Variants in PIGR observed in about 807,000 individuals in gnomAD.
PIGR encodes the protein polymeric immunoglobulin receptor, also known as hepatocellular carcinoma associated protein TB6.
In PIGR, 22 loss-of-function variants were observed where a neutral mutation model predicts 69.5. The ratio of observed to expected loss-of-function variants is 0.32; its 90% CI spans 0.23 to 0.45. The LOEUF is 0.45. Ranked by LOEUF, PIGR falls within the 20% of genes least tolerant of loss-of-function variation. The pLI is 1.00. For synonymous variants in PIGR, 413 were observed against 407.6 expected, an observed-to-expected ratio of 1.01 and a Z score of -0.16; for missense variants, 885 against 974.0, an observed-to-expected ratio of 0.91 and a Z score of 1.22.
At chr1:206,940,278 T>A (rs1347566711) in intron 2 of PIGR, among the ~76,000 whole-genome samples, 1 of 152,224 alleles carries the variant, frequency 6.6e-6, no homozygotes, top group Non-Finnish European at 1.5e-5. Context: ...GGCCTTGAGA[T>A]TAGGAAGTGC....
At chr1:206,945,002 A>C (rs1680075932) in intron 1 of PIGR, among the ~76,000 whole-genome samples, 1 of 152,184 alleles carries the variant, frequency 6.6e-6, no homozygotes, top group Non-Finnish European at 1.5e-5. Flanking sequence ...TGGGTTTACT[A>C]AATGGAAGCC....
At position 206,930,183 on chromosome 1, in the gene PIGR, C is replaced by T. The variant is rs1025270047; in HGVS notation, c.*135G>A. 21 of 617,948 alleles carry T rather than the reference C, an allele frequency of 3.4e-5. No homozygotes were observed. The highest frequency in any genetic ancestry group is 7.5e-5 in the African/African-American group (4 of 53,392). The allele number at this position is 617,948 out of a possible 1,614,324, so 38.3% of individuals were successfully genotyped here. ...GATGTCACTGAGGAGGGGACCAGCA[C>T]GCCTCTGAGGACAGTAGGAAAAACC... On this transcript the variant is annotated 3_prime_UTR_variant, in exon 11 of 11. Transcript: ENST00000356495. The surrounding 1 kb of genome is among the most constrained non-coding windows in gnomAD (Gnocchi z 4.3).
In PIGR at chr1:206,939,511, G is replaced by A. The variant is rs774278221; in HGVS notation, c.44-48C>T. On this transcript the variant is annotated intron_variant, in intron 2 of 10. Coordinates refer to ENST00000356495, the MANE Select transcript of PIGR (RefSeq NM_002644.4). ...CTTTCTGAGGCCCTTGGGAGGTAAA[G>A]CCTGTTCCAGATAACCCACTATGAG... is the stretch of plus-strand genomic sequence containing the variant. 28 of 1,377,976 alleles carry A rather than the reference G, an allele frequency of 2.0e-5. No individual in the cohort carries two copies. In the East Asian group the frequency reaches 6.2e-4, roughly 31 times the overall value. 85.4% of individuals were successfully genotyped at this position (1,377,976 alleles called of 1,614,324 possible).
chr1:206,941,077 G>C (rs574262458), intron 1 of PIGR, among the ~76,000 whole-genome samples: 1 of 152,362 alleles, frequency 6.6e-6, no homozygotes, highest in African/African-American at 2.4e-5. Context: ...TAAATGTAAT[G>C]ATGATGGTCC....
At position 206,939,243 on chromosome 1, in the gene PIGR, C is replaced by T. The variant is rs750352182; in HGVS notation, c.264G>A (p.Pro88=). The T allele has an allele frequency of 1.9e-5, 30 of 1,614,056 alleles. No homozygotes were observed. Among genetic ancestry groups the T allele is most frequent in the African/African-American group, 4.0e-5 (3 of 74,920 alleles). Reference sequence around the variant, plus strand: ...TGTTCACCACAAATGTGCCGTTCTCCGGGAAGTTGGTGAGGTTAGCCCTGC... The same window carrying T: ...TGTTCACCACAAATGTGCCGTTCTCTGGGAAGTTGGTGAGGTTAGCCCTGC... The part of the protein sequence containing the change: ...YAGRANLTNF[P]ENGTFVVNIA... Residue 88 remains proline (P), a synonymous_variant, in exon 3 of 11, where the codon CCG becomes CCA. Transcript: ENST00000356495.
At chr1:206,939,526 C>T in intron 2 of PIGR, 63 bp from the exon 3 acceptor site, 1 of 1,193,074 alleles carries the variant, frequency 8.4e-7, no homozygotes, top group South Asian at 1.4e-5. Flanking sequence ...TTCCAGATAA[C>T]CCACTATGAG....
At chr1:206,945,262 A>G (rs1435129652) in intron 1 of PIGR, among the ~76,000 whole-genome samples, 1 of 152,232 alleles carries the variant, frequency 6.6e-6, no homozygotes, top group African/African-American at 2.4e-5. Context: ...TAAAGGATCT[A>G]TAATTCCCCT....
At position 206,930,331 on chromosome 1, in the gene PIGR, G is replaced by A; in HGVS notation, c.2282C>T (p.Pro761Leu). ...STVAAEAQDG[P>L]QEA is the part of the protein sequence containing the mutation. ...CGGCGACACCGTCTAGGCTTCCTGGGGGCCGTCCTGGGCCTCGGCGGCCAC... is the reference window on the plus strand; with the variant it reads ...CGGCGACACCGTCTAGGCTTCCTGGAGGCCGTCCTGGGCCTCGGCGGCCAC... Residue 761 changes from proline to leucine, a missense_variant, in exon 11 of 11, where the codon CCC (proline) becomes CTC (leucine). Physicochemically the swap from Pro to Leu is moderately conservative, Grantham distance 98 (BLOSUM62 -3). Coordinates refer to ENST00000356495, the MANE Select transcript of PIGR (RefSeq NM_002644.4). The surrounding 1 kb of genome is among the most constrained non-coding windows in gnomAD (Gnocchi z 4.3). 6.2e-7 allele frequency: 1 copy of A among 1,611,434 alleles called. No homozygotes were observed. The highest frequency in any genetic ancestry group is 8.5e-7 in the Non-Finnish European group (1 of 1,178,688).
intron 1 of PIGR, among the ~76,000 whole-genome samples, chr1:206,942,593 G>A (rs1046973937): frequency 6.6e-6 from 1 of 152,226 alleles, no homozygotes; most frequent in East Asian, 1.9e-4. Flanking sequence ...ATATTTGCGT[G>A]AGACAGGAGT....
At position 206,938,720 on chromosome 1, in the gene PIGR, CA is replaced by C. The variant is rs1233139011; in HGVS notation, c.388+398del. ...TTTTACAAGAAGCCTTTTGGCGGCC[CA>C]AACCTTGATGGAAAGGTGCATTAAT... On this transcript the variant is annotated intron_variant, in intron 3 of 10. Coordinates refer to ENST00000356495, the MANE Select transcript of PIGR (RefSeq NM_002644.4). 2.6e-5 allele frequency among the ~76,000 whole-genome samples: 4 copies of C among 152,184 alleles called. No individual in the cohort carries two copies. The East Asian group carries it at 5.8e-4, about 22-fold the overall frequency.
At position 206,937,722 on chromosome 1, in the gene PIGR, A is replaced by G. The variant is rs1308627922; in HGVS notation, c.418T>C (p.Tyr140His). Residue 140 changes from tyrosine to histidine, a missense_variant, in exon 4 of 11, where the codon TAC becomes CAC. By Grantham distance (83) the Tyr-to-His change is moderately conservative. Coordinates refer to ENST00000356495, the MANE Select transcript of PIGR (RefSeq NM_002644.4). The stretch of plus-strand genomic sequence containing the variant: ...ACCGTTCTGCCCAGGTCCACTGTGT[A>G]GACTTTAGTGTCATTTAGGAGCCCA... Reference protein sequence around the residue: ...GPGLLNDTKVYTVDLGRTVTI... With the variant: ...GPGLLNDTKVHTVDLGRTVTI... The G allele has an allele frequency of 6.2e-7, 1 of 1,614,104 alleles. No individual in the cohort carries two copies. The highest frequency in any genetic ancestry group is 2.2e-5 in the East Asian group (1 of 44,886).
At position 206,935,949 on chromosome 1, in the gene PIGR, T is replaced by G; in HGVS notation, c.1046-131A>C. Reference sequence around the variant, plus strand: ...GTTTACACGCATCACCTTACCCTCTTCAGAAAATGAAAAGGAGCTTTCCTA... The same window carrying G: ...GTTTACACGCATCACCTTACCCTCTGCAGAAAATGAAAAGGAGCTTTCCTA... On this transcript the variant is annotated intron_variant, in intron 4 of 10. Transcript: ENST00000356495. The surrounding 1 kb of genome is among the most constrained non-coding windows in gnomAD (Gnocchi z 4.4). The G allele has an allele frequency of 1.5e-6, 1 of 646,068 alleles. No homozygotes were observed. Among genetic ancestry groups the G allele is most frequent in the Non-Finnish European group, 2.7e-6 (1 of 374,702 alleles). The allele number at this position is 646,068 out of a possible 1,614,324, so 40.0% of individuals were successfully genotyped here.
rs769898694 is a variant in PIGR at position 206,935,781 on chromosome 1, C to T, written c.1083G>A (p.Gly361=). The T allele has an allele frequency of 6.2e-7, 1 of 1,611,418 alleles. No individual in the cohort carries two copies. The highest frequency in any genetic ancestry group is 1.7e-5 in the Admixed American group (1 of 59,924). ...TIPRSPTVVK[G]VAGGSVAVLC... ...GCACGGCCACAGAGCCTCCTGCCAC[C>T]CCCTTCACCACAGTGGGGCTGCGGG... The change falls in exon 5 of 11, where the codon GGG becomes GGA. Residue 361 remains glycine, a synonymous_variant. Transcript: ENST00000356495. This position sits in a 1 kb window ranked among gnomAD's most constrained non-coding sequence, Gnocchi z 4.4.
At chr1:206,944,001 A>G (rs900861492) in intron 1 of PIGR, among the ~76,000 whole-genome samples, 3 of 152,186 alleles carry the variant, frequency 2.0e-5, no homozygotes, top group Admixed American at 6.5e-5. Flanking sequence ...TTGGTAAGTG[A>G]CTTAGATGGG....
chr1:206,934,297 C>A, intron 6 of PIGR, 123 bp downstream of exon 6: 2 of 794,006 alleles, frequency 2.5e-6, no homozygotes, highest in Non-Finnish European at 3.9e-6. Context: ...TCCCACTCTC[C>A]ACTTTCAGCC....
rs770599415 is a variant in PIGR, at chr1:206,937,457, C to A, written c.683G>T (p.Ser228Ile). The A allele has an allele frequency of 1.9e-6, 3 of 1,614,202 alleles. No homozygotes were observed. The highest frequency in any genetic ancestry group is 2.5e-6 in the Non-Finnish European group (3 of 1,180,038). Residue 228 changes from serine (S) to isoleucine (I), a missense_variant, in exon 4 of 11, where the codon AGT becomes ATT. By Grantham distance (142) the Ser-to-Ile change is moderately radical (BLOSUM62 -2). Coordinates refer to ENST00000356495, the MANE Select transcript of PIGR (RefSeq NM_002644.4). ...TTGGAGGTCAGCATTCTTCTTATTA[C>A]TATTGGAATCATCCCCAGCCTGGCA... is the stretch of plus-strand genomic sequence containing the variant. ...YLCQAGDDSN[S>I]NKKNADLQVL...
intron 1 of PIGR, among the ~76,000 whole-genome samples, chr1:206,945,201 A>G (rs1044428872): frequency 2.6e-5 from 4 of 152,242 alleles, no homozygotes; most frequent in African/African-American, 7.2e-5. Context: ...CAGGCACCAG[A>G]CAGCTGCCTT....
intron 8 of PIGR, 72 bp from the exon 9 acceptor site, chr1:206,931,874 C>T (rs1042514647): frequency 6.4e-7 from 1 of 1,564,620 alleles, no homozygotes; most frequent in African/African-American, 1.4e-5. Flanking sequence ...GGCTGCTTCT[C>T]TCTGGGCGGA....
intron 4 of PIGR, among the ~76,000 whole-genome samples, chr1:206,936,186 C>A (rs557689904): frequency 1.1e-3 from 162 of 152,148 alleles, no homozygotes; most frequent in Non-Finnish European, 2.1e-3. Flanking sequence ...CAAGTGTATT[C>A]CACAAAAGTG....
Sources: gnomAD v4.1 joint callset for allele counts (sites outside exome capture counted in the v4.1 genomes callset) on GRCh38, gnomAD v4.1.1 for gene constraint, Gnocchi (gnomAD v3.1) non-coding constraint, MANE v1.5 for transcripts, NCBI Gene and HGNC (gene_info 2026-07-23, HGNC 2026-07-21) for gene names.